CDC37L1: variants seen among roughly 807,000 people sequenced by gnomAD.
CDC37L1 encodes the protein hsp90 co-chaperone Cdc37-like 1.
In CDC37L1, 32 loss-of-function variants were observed where a neutral mutation model predicts 45.9. The observed-to-expected ratio is 0.70, with a 90% CI of 0.53 to 0.94. The LOEUF is 0.94. Ranked by LOEUF, CDC37L1 falls within the 40% of genes least tolerant of loss-of-function variation. The pLI is 0.00. For synonymous variants in CDC37L1, 150 were observed against 133.0 expected, an observed-to-expected ratio of 1.13 and a Z score of -0.88; for missense variants, 434 against 405.7, an observed-to-expected ratio of 1.07 and a Z score of -0.60.
At chr9:4,703,673 A>G (rs1841419561) in intron 6 of CDC37L1, among the ~76,000 whole-genome samples, 2 of 152,232 alleles carry the variant, frequency 1.3e-5, no homozygotes, top group South Asian at 4.1e-4. Context: ...AACTGATTCT[A>G]AATATAAGAG....
rs764156850 is a variant in CDC37L1 at position 4,679,827 on chromosome 9, T to C, written c.60T>C (p.Ala20=). The change falls in exon 1 of 7, where the codon GCT becomes GCC. Residue 20 remains alanine, a synonymous_variant. Transcript: ENST00000381854. ...PWSLPRAEGE[A]EEESDFDVFP... The stretch of plus-strand genomic sequence containing the variant: ...GCCTCCCTCGGGCCGAGGGTGAGGC[T>C]GAGGAAGAGAGTGACTTCGACGTGT... The C allele has an allele frequency of 6.2e-7, 1 of 1,613,928 alleles. No homozygotes were observed. Among genetic ancestry groups the C allele is most frequent in the South Asian group, 1.1e-5 (1 of 91,086 alleles).
At chr9:4,699,295 C>G (rs911442661) in intron 5 of CDC37L1, among the ~76,000 whole-genome samples, 6 of 152,156 alleles carry the variant, frequency 3.9e-5, no homozygotes, top group Non-Finnish European at 8.8e-5. Context: ...ACATGACACT[C>G]AAGGGAAATA....
chr9:4,686,704 C>CA (rs2130844668), intron 2 of CDC37L1, among the ~76,000 whole-genome samples: 1 of 152,316 alleles, frequency 6.6e-6, no homozygotes, highest in East Asian at 1.9e-4. Context: ...ATGTTCCAGT[C>CA]ATTTGCTCAA....
chr9:4,688,394 A>G, intron 2 of CDC37L1, 119 bp from the exon 3 acceptor site: 1 of 493,356 alleles, frequency 2.0e-6, no homozygotes, highest in Non-Finnish European at 3.4e-6. Context: ...ATGTAATATC[A>G]GTATGATACT....
intron 3 of CDC37L1, among the ~76,000 whole-genome samples, chr9:4,690,368 C>T (rs1841289210): frequency 6.6e-6 from 1 of 152,132 alleles, no homozygotes; most frequent in Non-Finnish European, 1.5e-5. Context: ...GGTAGTCAAC[C>T]TGCTACTTGA....
At position 4,701,981 on chromosome 9, in the gene CDC37L1, C is replaced by A; in HGVS notation, c.865C>A (p.Pro289Thr). ...ACCTATGACAGTTCAGAATCATGTT[C>A]CCCATTCTGGTGTTGGATCTATAGG... is the stretch of plus-strand genomic sequence containing the variant. ...FQPMTVQNHV[P>T]HSGVGSIGLL... The change falls in exon 6 of 7, where the codon CCC becomes ACC. Residue 289 changes from proline (P) to threonine (T), a missense_variant. By Grantham distance (38) the Pro-to-Thr change is conservative. Coordinates refer to ENST00000381854, the MANE Select transcript of CDC37L1 (RefSeq NM_017913.4). 6.5e-7 allele frequency: 1 copy of A among 1,543,106 alleles called. No homozygotes were observed. Among genetic ancestry groups the A allele is most frequent in the East Asian group, 2.4e-5 (1 of 41,688 alleles).
At chr9:4,693,319 T>G (rs1240345240) in intron 3 of CDC37L1, among the ~76,000 whole-genome samples, 1 of 151,412 alleles carries the variant, frequency 6.6e-6, no homozygotes, top group African/African-American at 2.4e-5. Flanking sequence ...GGCTTATACC[T>G]GTAGTCCCAG....
chr9:4,694,612 C>G (rs1047533670), intron 3 of CDC37L1, among the ~76,000 whole-genome samples: 1 of 152,120 alleles, frequency 6.6e-6, no homozygotes, highest in Non-Finnish European at 1.5e-5. Context: ...GTGGCTCACA[C>G]CTGCAATCCC....
chr9:4,706,721 C>T lies in CDC37L1; in HGVS notation c.*609C>T, dbSNP rs1052195596. 6.6e-6 allele frequency: 1 copy of T among 152,402 alleles called. No homozygotes were observed. Among genetic ancestry groups the T allele is most frequent in the Non-Finnish European group, 1.5e-5 (1 of 68,010 alleles). 9.4% of individuals were successfully genotyped at this position (152,402 alleles called of 1,614,324 possible). On this transcript the variant is annotated 3_prime_UTR_variant, in exon 7 of 7. Transcript: ENST00000381854. ...TAATACAAATTTGATATATACATTACATTTACCCTCAAATTATTCTCAAAA... is the reference window on the plus strand; with the variant it reads ...TAATACAAATTTGATATATACATTATATTTACCCTCAAATTATTCTCAAAA...
In CDC37L1 at chr9:4,688,608, T is replaced by A; in HGVS notation, c.508+2T>A. On this transcript the variant is annotated splice_donor_variant, in intron 3 of 6. Transcript: ENST00000381854. LOFTEE classifies it high-confidence loss of function. ...ATGAGCAAAAAATCAGACATTTTGG[T>A]AAGTCTACTACTTGGATTTCCTTCT... The A allele has an allele frequency of 6.7e-7, 1 of 1,488,636 alleles. No individual in the cohort carries two copies. The highest frequency in any genetic ancestry group is 9.1e-7 in the Non-Finnish European group (1 of 1,095,052). The allele number at this position is 1,488,636 out of a possible 1,614,324, so 92.2% of individuals were successfully genotyped here. A position where few individuals can be genotyped will look rare whatever the true frequency, so the allele number is the denominator to read the frequency against.
intron 3 of CDC37L1, among the ~76,000 whole-genome samples, chr9:4,692,982 G>C (rs1841315205): frequency 6.6e-6 from 1 of 152,120 alleles, no homozygotes; most frequent in Non-Finnish European, 1.5e-5. Context: ...TTACGTGCAG[G>C]CATATCAGTA....
At position 4,700,747 on chromosome 9, in the gene CDC37L1, T is replaced by C. The variant is rs1054779565; in HGVS notation, c.748-1117T>C. 2.0e-5 allele frequency among the ~76,000 whole-genome samples: 3 copies of C among 152,344 alleles called. No individual in the cohort carries two copies. The East Asian group carries it at 5.8e-4, about 29-fold the overall frequency. On this transcript the variant is annotated intron_variant, in intron 5 of 6. Transcript: ENST00000381854. ...CATGTATTAACTCATTAAATTCATATAACATTTTATGAGGATTACTGTTGC... is the reference window on the plus strand; with the variant it reads ...CATGTATTAACTCATTAAATTCATACAACATTTTATGAGGATTACTGTTGC...
chr9:4,701,542 TCCTGTTAAGGATCTAGATAA>T (rs1476486947), intron 5 of CDC37L1, among the ~76,000 whole-genome samples: 2 of 152,212 alleles, frequency 1.3e-5, no homozygotes, highest in Admixed American at 1.3e-4. Flanking sequence ...CTATTTTGGA[TCCTGTTAAGGATCTAGATAA>T]GTCAAGGAAA....
Position 4,706,268 on chromosome 9 carries a change from G to C in CDC37L1, c.*156G>C, listed in dbSNP as rs191748795. 2 of 450,240 alleles carry C rather than the reference G, an allele frequency of 4.4e-6. No homozygotes were observed. The highest frequency in any genetic ancestry group is 3.5e-5 in the Admixed American group (1 of 28,172). 27.9% of individuals were successfully genotyped at this position (450,240 alleles called of 1,614,324 possible). A position where few individuals can be genotyped will look rare whatever the true frequency, so the allele number is the denominator to read the frequency against. On this transcript the variant is annotated 3_prime_UTR_variant, in exon 7 of 7. Coordinates refer to ENST00000381854, the MANE Select transcript of CDC37L1 (RefSeq NM_017913.4). ...AAATGTTTTGTAAATTTTTTTTAAT[G>C]TGCTGCTAGGTTTTTTGTTTTGTTT... is the stretch of plus-strand genomic sequence containing the variant.
intron 3 of CDC37L1, among the ~76,000 whole-genome samples, chr9:4,694,254 A>G (rs570709601): frequency 1.3e-5 from 2 of 152,142 alleles, no homozygotes; most frequent in South Asian, 4.2e-4. Context: ...TAATTATCTC[A>G]TTTTGTGTGG....
At chr9:4,687,361 G>T (rs1776029829) in intron 2 of CDC37L1, among the ~76,000 whole-genome samples, 1 of 151,970 alleles carries the variant, frequency 6.6e-6, no homozygotes, top group African/African-American at 2.4e-5. Flanking sequence ...AAACTGTTTG[G>T]TCTCTTCTAA....
chr9:4,681,004 G>A (rs1212006292), intron 1 of CDC37L1, among the ~76,000 whole-genome samples: 1 of 152,158 alleles, frequency 6.6e-6, no homozygotes, highest in Non-Finnish European at 1.5e-5. Flanking sequence ...GGAACTACAA[G>A]ACATTTTTTA....
chr9:4,697,240 G>C (rs749830092), intron 4 of CDC37L1, 29 bp downstream of exon 4: 1 of 986,108 alleles, frequency 1.0e-6, no homozygotes, highest in South Asian at 1.3e-5. Context: ...TGAGTTTCTG[G>C]GAACCTTAGT....
intron 5 of CDC37L1, among the ~76,000 whole-genome samples, chr9:4,700,901 T>C (rs1563772564): frequency 6.6e-6 from 1 of 152,196 alleles, no homozygotes; most frequent in Non-Finnish European, 1.5e-5. Context: ...AGGACAGCAA[T>C]TGTGCCTCTT....
Sources: allele counts gnomAD v4.1 joint callset (sites outside exome capture counted in the v4.1 genomes callset), GRCh38; gene constraint gnomAD v4.1.1; transcripts MANE v1.5; gene names NCBI Gene and HGNC (gene_info 2026-07-23, HGNC 2026-07-21).